Variants in NAV2 observed in about 807,000 individuals in gnomAD.
NAV2 encodes helicase, APC down-regulated 1.
Under a neutral mutation model 223.2 loss-of-function variants are expected in NAV2, and 54 were observed. That is an observed-to-expected ratio of 0.24 (90% CI 0.19 to 0.30). NAV2 has a LOEUF of 0.30. Among genes scored for constraint, NAV2 ranks in the 10% least tolerant of loss-of-function variants. The probability of loss-of-function intolerance (pLI) is 1.00; values close to 1 mark genes in which losing one functional copy is unlikely to be tolerated. For synonymous variants in NAV2, 1,279 were observed against 1,239.3 expected (o/e 1.03, Z -0.67); for missense variants, 2,806 against 3,147.5 (o/e 0.89, Z 2.60).
intron 10 of NAV2, among the ~76,000 whole-genome samples, chr11:19,980,359 A>G (rs2050189227): frequency 6.6e-6 from 1 of 152,230 alleles, no homozygotes; most frequent in East Asian, 1.9e-4. Context: ...GGATGTTACC[A>G]GCACCTCATT....
At chr11:19,711,511 C>T (rs1489038166), upstream of NAV2, 2 of 152,190 alleles carry the variant, frequency 1.3e-5, no homozygotes, top group African/African-American at 2.4e-5. Context: ...ACCTTATTAC[C>T]TCCTAAAGTT....
intron 1 of NAV2, among the ~76,000 whole-genome samples, chr11:19,363,218 G>A (rs1388737099): frequency 2.0e-5 from 3 of 152,160 alleles, no homozygotes; most frequent in Admixed American, 6.5e-5. Context: ...ACTTGTGAGT[G>A]AGAACATGTG....
chr11:19,452,637 A>G (rs1308121500), intron 1 of NAV2, among the ~76,000 whole-genome samples: 1 of 152,252 alleles, frequency 6.6e-6, no homozygotes, highest in East Asian at 1.9e-4. Context: ...AGCCTTGCCT[A>G]CTTTAAATGT....
chr11:19,889,834 A>C (rs957542599), intron 5 of NAV2, among the ~76,000 whole-genome samples: 4 of 152,190 alleles, frequency 2.6e-5, no homozygotes, highest in African/African-American at 9.7e-5. Context: ...TCTCTTCTGG[A>C]ATGTTCCTAG....
intron 1 of NAV2, among the ~76,000 whole-genome samples, chr11:19,679,430 C>CAAAAAAAAGAAAAAAAA (rs56384242): frequency 8.8e-6 from 1 of 114,122 alleles, no homozygotes; most frequent in South Asian, 3.0e-4. Flanking sequence ...GACTCTGTCT[C>CAAAAAAAAGAAAAAAAA]AAAAAAACAC....
At chr11:20,077,723 G>T in intron 23 of NAV2, 88 bp downstream of exon 23, 1 of 1,070,854 alleles carries the variant, frequency 9.3e-7, no homozygotes. Context: ...ATCATTGTGT[G>T]GATGTTAATG....
chr11:20,106,891 C>T (rs182365815), intron 35 of NAV2, among the ~76,000 whole-genome samples: 27 of 151,944 alleles, frequency 1.8e-4, no homozygotes, highest in Admixed American at 5.2e-4. Flanking sequence ...GGTGTTCCAC[C>T]GGCCTCGGCC....
intron 10 of NAV2, among the ~76,000 whole-genome samples, chr11:19,953,850 C>CACGT (rs1555167181): frequency 1.1e-3 from 68 of 61,126 alleles, no homozygotes; most frequent in Non-Finnish European, 1.4e-3. Context: ...GAAATGTGCA[C>CACGT]GCGCGCGCGT....
chr11:19,555,191 G>A (rs896286718), intron 1 of NAV2, among the ~76,000 whole-genome samples: 6 of 152,210 alleles, frequency 3.9e-5, no homozygotes, highest in African/African-American at 1.4e-4. Flanking sequence ...CATCAATGAG[G>A]TGGGGAAGCA....
At chr11:19,730,313 C>T (rs1246356623) in intron 1 of NAV2, among the ~76,000 whole-genome samples, 7 of 152,298 alleles carry the variant, frequency 4.6e-5, no homozygotes, top group South Asian at 2.1e-4. Context: ...GTGCTGCTGC[C>T]GGCTGCTTTC....
intron 1 of NAV2, among the ~76,000 whole-genome samples, chr11:19,568,647 T>TA (rs1350807475): frequency 2.0e-5 from 3 of 152,186 alleles, no homozygotes; most frequent in African/African-American, 7.2e-5. Context: ...ACCTCCCAGG[T>TA]AGGTCTAGTC....
chr11:20,051,358 T>G (rs1268169074), intron 17 of NAV2, 25 bp downstream of exon 17: 3 of 1,611,088 alleles, frequency 1.9e-6, no homozygotes, highest in Non-Finnish European at 1.7e-6. Context: ...TCCTTGCATC[T>G]GTGCCATCTG....
At chr11:19,993,635 T>G (rs566161912) in intron 11 of NAV2, among the ~76,000 whole-genome samples, 25 of 151,876 alleles carry the variant, frequency 1.6e-4, no homozygotes, top group African/African-American at 6.0e-4. Flanking sequence ...ATTTACTGCA[T>G]GCAGTAATAT....
chr11:19,481,143 TGAC>T (rs1446832260), intron 1 of NAV2, among the ~76,000 whole-genome samples: 2 of 151,994 alleles, frequency 1.3e-5, no homozygotes, highest in African/African-American at 4.8e-5. Flanking sequence ...TCTACAAGAG[TGAC>T]ATACATTCAA....
chr11:20,010,387 A>T lies in NAV2; in HGVS notation c.2769-25572A>T, dbSNP rs73434189. Among the ~76,000 whole-genome samples, 481 of 152,314 alleles carry T rather than the reference A, an allele frequency of 3.2e-3. 1 individual carries two copies. The highest frequency in any genetic ancestry group is 0.011 in the African/African-American group (467 of 41,570). On this transcript the variant is annotated intron_variant, in intron 11 of 37. Coordinates refer to ENST00000349880, the MANE Select transcript of NAV2 (RefSeq NM_145117.5). The stretch of plus-strand genomic sequence containing the variant: ...AGAACACTTAGGTCAATTGGCTTAA[A>T]TGGCACTGCGTCTGCTGTGCAAATA...
intron 11 of NAV2, among the ~76,000 whole-genome samples, chr11:20,023,703 T>TGG (rs1031870880): frequency 5.7e-5 from 7 of 122,192 alleles, no homozygotes; most frequent in Non-Finnish European, 1.3e-4. Context: ...TTGCTGGGTG[T>TGG]GTGTGTGTGT....
upstream of NAV2, among the ~76,000 whole-genome samples, chr11:19,348,434 A>G (rs1367710172): frequency 2.0e-5 from 3 of 152,244 alleles, no homozygotes; most frequent in Non-Finnish European, 4.4e-5. Context: ...CTTCCAGAGC[A>G]GCATGGATAT....
intron 1 of NAV2, among the ~76,000 whole-genome samples, chr11:19,722,978 C>T (rs375959786): frequency 2.0e-5 from 3 of 152,160 alleles, no homozygotes; most frequent in African/African-American, 4.8e-5. Context: ...CTGGCTGCTG[C>T]GATGGAAGAA....
chr11:19,964,815 T>TTTC, intron 10 of NAV2, among the ~76,000 whole-genome samples: 1 of 129,516 alleles, frequency 7.7e-6, no homozygotes, highest in Non-Finnish European at 1.6e-5. Context: ...TCTACTTTTT[T>TTTC]TTTTTTTTTT....
Sources: allele counts gnomAD v4.1 joint callset (sites outside exome capture counted in the v4.1 genomes callset), GRCh38; gene constraint gnomAD v4.1.1; transcripts MANE v1.5; gene names NCBI Gene and HGNC (gene_info 2026-07-23, HGNC 2026-07-21).